The following GIT2 variants were observed in gnomAD, a reference collection of about 807,000 sequenced individuals.
GIT2 encodes the protein GIT ArfGAP 2.
A neutral mutation model predicts 100.3 loss-of-function variants in GIT2; 32 were observed. That is an observed-to-expected ratio of 0.32 (90% CI 0.24 to 0.43). GIT2 has a LOEUF of 0.43. Among genes scored for constraint, GIT2 ranks in the 20% least tolerant of loss-of-function variants. GIT2 has a pLI of 1.00. For missense variants in GIT2, 737 were observed against 975.1 expected (o/e 0.76, Z 3.25); for synonymous variants, 353 against 364.1 (o/e 0.97, Z 0.35).
chr12:109,948,784 A>G lies in GIT2; in HGVS notation c.1393-1280T>C. Reference sequence around the variant, plus strand: ...TTCAATTTTTATTTAGAAAGCACCAATCTGTGAAAAATACACCAATAGTAG... The same window carrying G: ...TTCAATTTTTATTTAGAAAGCACCAGTCTGTGAAAAATACACCAATAGTAG... On this transcript the variant is annotated intron_variant, in intron 14 of 19. Coordinates refer to ENST00000355312, the MANE Select transcript of GIT2 (RefSeq NM_057169.5). The surrounding 1 kb of genome is among the most constrained non-coding windows in gnomAD (Gnocchi z 4.3). 6.3e-7 allele frequency: 1 copy of G among 1,591,264 alleles called. No individual in the cohort carries two copies. Among genetic ancestry groups the G allele is most frequent in the Non-Finnish European group, 8.5e-7 (1 of 1,172,916 alleles).
chr12:109,983,087 G>A, intron 6 of GIT2: 1 of 294,062 alleles, frequency 3.4e-6, no homozygotes, highest in Non-Finnish European at 6.4e-6. Flanking sequence ...AGTACATTCT[G>A]TAATTCTTGA....
At chr12:109,968,912 C>T (rs969778543) in intron 7 of GIT2, among the ~76,000 whole-genome samples, 1 of 151,734 alleles carries the variant, frequency 6.6e-6, no homozygotes, top group Admixed American at 6.6e-5. Flanking sequence ...TTAGTAGAAA[C>T]AGGGTTTCGC....
intron 1 of GIT2, chr12:109,995,960 GA>G: frequency 2.1e-6 from 1 of 472,104 alleles, no homozygotes; most frequent in African/African-American, 2.0e-5. Context: ...GAGGGAACGA[GA>G]GGGAAGGGAG....
chr12:109,959,276 C>A (rs2136369293), intron 12 of GIT2, among the ~76,000 whole-genome samples: 1 of 152,040 alleles, frequency 6.6e-6, no homozygotes, highest in Middle Eastern at 3.4e-3. Flanking sequence ...CCATGTTGGC[C>A]AGGCTGGTCT....
chr12:109,948,281 C>T lies in GIT2; in HGVS notation c.1393-777G>A, dbSNP rs556967074. On this transcript the variant is annotated intron_variant, in intron 14 of 19. Transcript: ENST00000355312. The surrounding 1 kb of genome is among the most constrained non-coding windows in gnomAD (Gnocchi z 4.3). The stretch of plus-strand genomic sequence containing the variant: ...TTCCGTCTGGTGAGTGATCATCTTT[C>T]GGCCAGGGCTGGAATATTTGGCCTT... 8.1e-6 allele frequency: 8 copies of T among 986,658 alleles called. No homozygotes were observed. The highest frequency in any genetic ancestry group is 1.1e-4 in the East Asian group (1 of 8,836). The allele number at this position is 986,658 out of a possible 1,614,324, so 61.1% of individuals were successfully genotyped here.
At position 109,934,244 on chromosome 12, in the gene GIT2, A is replaced by T. The variant is rs1872367689; in HGVS notation, c.2004-159T>A. On this transcript the variant is annotated intron_variant, in intron 18 of 19. Coordinates refer to ENST00000355312, the MANE Select transcript of GIT2 (RefSeq NM_057169.5). This position sits in a 1 kb window ranked among gnomAD's most constrained non-coding sequence, Gnocchi z 4.5. ...ACACCACCAGAGGGCACATGGTTAT[A>T]AAGCAGGACTCTCATTGCTTCCTAA... 1.8e-5 allele frequency: 11 copies of T among 609,418 alleles called. No individual in the cohort carries two copies. The South Asian group carries it at 2.1e-4, about 12-fold the overall frequency. 37.8% of individuals were successfully genotyped at this position (609,418 alleles called of 1,614,324 possible).
chr12:109,946,843 C>G (rs189151451), intron 15 of GIT2, among the ~76,000 whole-genome samples: 99 of 152,230 alleles, frequency 6.5e-4, no homozygotes, highest in African/African-American at 2.0e-3. Flanking sequence ...CTAAGGGCTC[C>G]AGTACTTAAA....
rs1471065017 is a variant in GIT2, at chr12:109,962,900, G to GCAGAGGCAGGAAGATCACT, written c.817-1234_817-1216dup. Among the ~76,000 whole-genome samples the GCAGAGGCAGGAAGATCACT allele has an allele frequency of 6.6e-6, 1 of 152,178 alleles. No individual in the cohort carries two copies. The highest frequency in any genetic ancestry group is 1.5e-5 in the Non-Finnish European group (1 of 68,036). The stretch of plus-strand genomic sequence containing the variant: ...GCCTATAATCCCAACACTTTGGGAG[G>GCAGAGGCAGGAAGATCACT]CAGAGGCAGGAAGATCACTCACTTG... On this transcript the variant is annotated intron_variant, in intron 9 of 19. Transcript: ENST00000355312. This position sits in a 1 kb window ranked among gnomAD's most constrained non-coding sequence, Gnocchi z 4.3.
At chr12:109,991,877 T>C (rs1029228168) in intron 1 of GIT2, 117 bp from the exon 2 acceptor site, 2 of 781,416 alleles carry the variant, frequency 2.6e-6, no homozygotes, top group Admixed American at 2.3e-5. Context: ...TGTTTCAGTA[T>C]GCTCATCAAT....
chr12:109,959,976 A>C lies in GIT2; in HGVS notation c.988-18T>G. ...TGTCTGCCCTAAAGGTGGGAAAATA[A>C]TTGGAAATATTTCCCAGTGTAAAAA... On this transcript the variant is annotated intron_variant, in intron 11 of 19. Coordinates refer to ENST00000355312, the MANE Select transcript of GIT2 (RefSeq NM_057169.5). 6.7e-7 allele frequency: 1 copy of C among 1,492,408 alleles called. No individual in the cohort carries two copies. The highest frequency in any genetic ancestry group is 9.4e-7 in the Non-Finnish European group (1 of 1,069,474). The allele number at this position is 1,492,408 out of a possible 1,614,324, so 92.4% of individuals were successfully genotyped here.
intron 9 of GIT2, among the ~76,000 whole-genome samples, chr12:109,964,973 G>C (rs1881962942): frequency 6.6e-6 from 1 of 152,152 alleles, no homozygotes; most frequent in Non-Finnish European, 1.5e-5. Flanking sequence ...CAGGCTAAAG[G>C]GAGGTTGTGG....
At position 109,951,301 on chromosome 12, in the gene GIT2, A is replaced by G. The variant is rs370355381; in HGVS notation, c.1258T>C (p.Leu420=). 17 of 1,611,520 alleles carry G rather than the reference A, an allele frequency of 1.1e-5. No individual in the cohort carries two copies. Among genetic ancestry groups the G allele is most frequent in the Non-Finnish European group, 1.4e-5 (16 of 1,177,852 alleles). Residue 420 remains leucine (L), a synonymous_variant, in exon 14 of 20, where the codon TTA becomes CTA. Transcript: ENST00000355312. The stretch of plus-strand genomic sequence containing the variant: ...TGTACAGTGACTGGTCCATCTGATA[A>G]ATCTGAATCTAGGCTCTAAAAATAA... ...TNRQKSLDSD[L]SDGPVTVQEF...
At chr12:109,985,960 G>C (rs1407750227) in intron 4 of GIT2, among the ~76,000 whole-genome samples, 1 of 151,716 alleles carries the variant, frequency 6.6e-6, no homozygotes, top group Non-Finnish European at 1.5e-5. Flanking sequence ...TGAGACTAGG[G>C]AGGTTGAGGG....
intron 4 of GIT2, among the ~76,000 whole-genome samples, chr12:109,986,975 A>C (rs1255618187): frequency 6.6e-6 from 1 of 152,014 alleles, no homozygotes; most frequent in East Asian, 1.9e-4. Flanking sequence ...AAAAAATAAA[A>C]AATAAAAATA....
chr12:109,958,496 GCCTCT>G (rs2136357249), intron 12 of GIT2, among the ~76,000 whole-genome samples: 1 of 152,324 alleles, frequency 6.6e-6, no homozygotes, highest in African/African-American at 2.4e-5. Context: ...GTCCGCCTCA[GCCTCT>G]CAAAGTGCTG....
intron 4 of GIT2, 66 bp from the exon 5 acceptor site, chr12:109,983,760 C>G (rs965064101): frequency 1.1e-6 from 1 of 946,034 alleles, no homozygotes; most frequent in South Asian, 1.4e-5. Context: ...CCTAGGGCAG[C>G]TGATAGACCA....
At chr12:109,937,747 G>C (rs1873445688) in intron 18 of GIT2, among the ~76,000 whole-genome samples, 1 of 152,212 alleles carries the variant, frequency 6.6e-6, no homozygotes, top group Non-Finnish European at 1.5e-5. Context: ...TTGTTGCCCA[G>C]GCTGGAGTGC....
chr12:109,966,664 C>A (rs575428364), intron 8 of GIT2, among the ~76,000 whole-genome samples: 4 of 150,716 alleles, frequency 2.7e-5, no homozygotes, highest in East Asian at 2.0e-4. Flanking sequence ...CAAAAAAAAA[C>A]AAAACAAAAC....
chr12:109,965,173 C>T (rs534695684), intron 9 of GIT2, among the ~76,000 whole-genome samples: 3 of 152,176 alleles, frequency 2.0e-5, no homozygotes, highest in Non-Finnish European at 4.4e-5. Context: ...AGCTCTAGAA[C>T]CCTACATGGC....
Sources: gnomAD v4.1 joint callset for allele counts (sites outside exome capture counted in the v4.1 genomes callset) on GRCh38, gnomAD v4.1.1 for gene constraint, Gnocchi (gnomAD v3.1) non-coding constraint, MANE v1.5 for transcripts, NCBI Gene and HGNC (gene_info 2026-07-23, HGNC 2026-07-21) for gene names.